Variants in PCDH9 observed in about 807,000 individuals in gnomAD.
The protein encoded by PCDH9 is protocadherin-9.
In PCDH9, 24 loss-of-function variants were observed where a neutral mutation model predicts 70.6. That is an observed-to-expected ratio of 0.34 (90% CI 0.25 to 0.48). The LOEUF is 0.48. PCDH9 is among the 20% of genes least tolerant of loss of function. The pLI, the probability that PCDH9 is intolerant of heterozygous loss-of-function variation, is 0.99. For missense variants in PCDH9, 1,281 were observed against 1,503.6 expected, an observed-to-expected ratio of 0.85 and a Z score of 2.45; for synonymous variants, 562 against 558.5, an observed-to-expected ratio of 1.01 and a Z score of -0.09.
intron 2 of PCDH9, among the ~76,000 whole-genome samples, chr13:66,969,395 T>C (rs2083481605): frequency 6.6e-6 from 1 of 151,996 alleles, no homozygotes. Flanking sequence ...TTATTGCCCA[T>C]TGTTATATTC....
At chr13:67,067,916 G>T (rs1566402253) in intron 2 of PCDH9, among the ~76,000 whole-genome samples, 1 of 151,940 alleles carries the variant, frequency 6.6e-6, no homozygotes, top group Non-Finnish European at 1.5e-5. Context: ...GGCAAACTTA[G>T]GTCACTCAAA....
chr13:66,671,397 CAGA>C (rs2078173964), intron 3 of PCDH9, among the ~76,000 whole-genome samples: 1 of 152,120 alleles, frequency 6.6e-6, no homozygotes, highest in Non-Finnish European at 1.5e-5. Flanking sequence ...TTGGAAAGAT[CAGA>C]AGAAGACAGG....
At chr13:66,577,965 C>T (rs1260511704) in intron 4 of PCDH9, among the ~76,000 whole-genome samples, 1 of 151,860 alleles carries the variant, frequency 6.6e-6, no homozygotes, top group African/African-American at 2.4e-5. Flanking sequence ...ATTTCTGGTC[C>T]CTTAATCACA....
intron 4 of PCDH9, among the ~76,000 whole-genome samples, chr13:66,490,766 T>C (rs563854720): frequency 6.6e-6 from 1 of 152,154 alleles, no homozygotes; most frequent in Non-Finnish European, 1.5e-5. Flanking sequence ...AAATTCCTGA[T>C]GCAAAAAACT....
At chr13:66,698,746 G>A (rs568140162) in intron 3 of PCDH9, among the ~76,000 whole-genome samples, 2 of 151,828 alleles carry the variant, frequency 1.3e-5, no homozygotes, top group South Asian at 2.1e-4. Flanking sequence ...CCTGGTTCAT[G>A]TTTACATTAA....
At chr13:67,059,370 GTATA>G (rs71110625) in intron 2 of PCDH9, among the ~76,000 whole-genome samples, 1 of 140,898 alleles carries the variant, frequency 7.1e-6, no homozygotes, top group Non-Finnish European at 1.5e-5. Flanking sequence ...TATATAGTGT[GTATA>G]TATATATATA....
At chr13:66,440,491 A>G (rs1337468085) in intron 4 of PCDH9, among the ~76,000 whole-genome samples, 1 of 152,150 alleles carries the variant, frequency 6.6e-6, no homozygotes, top group Admixed American at 6.5e-5. Context: ...TACTCTACTA[A>G]TAACAAAATG....
intron 3 of PCDH9, among the ~76,000 whole-genome samples, chr13:66,878,559 T>A (rs1324103787): frequency 2.0e-5 from 3 of 152,186 alleles, no homozygotes; most frequent in East Asian, 1.9e-4. Flanking sequence ...AAAAATCTTG[T>A]ATTTGGGCCT....
At chr13:66,363,588 C>T (rs761797231) in intron 4 of PCDH9, among the ~76,000 whole-genome samples, 3 of 152,144 alleles carry the variant, frequency 2.0e-5, no homozygotes, top group Non-Finnish European at 4.4e-5. Flanking sequence ...CAGACTATTA[C>T]AAGTCCATCA....
chr13:66,956,375 AAT>A (rs1391683069), intron 2 of PCDH9, among the ~76,000 whole-genome samples: 1 of 152,184 alleles, frequency 6.6e-6, no homozygotes, highest in African/African-American at 2.4e-5. Context: ...CCCCGACAAT[AAT>A]GAGGCTTAAA....
chr13:66,330,766 G>A (rs1000350448), intron 4 of PCDH9, among the ~76,000 whole-genome samples: 1 of 152,102 alleles, frequency 6.6e-6, no homozygotes, highest in African/African-American at 2.4e-5. Context: ...ATACAATTCT[G>A]CATAAAACAA....
chr13:67,228,129 A>G lies in PCDH9; in HGVS notation c.312T>C (p.Ala104=), dbSNP rs769781204. 5.0e-6 allele frequency: 8 copies of G among 1,614,156 alleles called. No homozygotes were observed. The South Asian group carries it at 7.7e-5, about 16-fold the overall frequency. Residue 104 remains alanine, a synonymous_variant, in exon 2 of 5, where the codon GCT becomes GCC. Transcript: ENST00000377865. ...GTTCAAAGAAACACTCATTCTCCTCAGCATATGAGGCGCCAGCACAGAGTT... is the reference window on the plus strand; with the variant it reads ...GTTCAAAGAAACACTCATTCTCCTCGGCATATGAGGCGCCAGCACAGAGTT... ...REKLCAGASY[A]EENECFFELE...
intron 3 of PCDH9, among the ~76,000 whole-genome samples, chr13:66,810,785 T>C (rs2080490243): frequency 6.6e-6 from 1 of 151,866 alleles, no homozygotes; most frequent in African/African-American, 2.4e-5. Flanking sequence ...TGGTGAAATA[T>C]TTCAAGCTTA....
chr13:66,577,646 C>T (rs2076833797), intron 4 of PCDH9, among the ~76,000 whole-genome samples: 1 of 151,916 alleles, frequency 6.6e-6, no homozygotes, highest in South Asian at 2.1e-4. Flanking sequence ...CCCCCTAACA[C>T]ACACAAATTG....
intron 4 of PCDH9, among the ~76,000 whole-genome samples, chr13:66,312,854 T>G (rs1955587093): frequency 6.6e-6 from 1 of 152,194 alleles, no homozygotes; most frequent in Non-Finnish European, 1.5e-5. Flanking sequence ...GTTTTACACA[T>G]TTCTCATACA....
rs113165030 is a variant in PCDH9 at position 66,437,205 on chromosome 13, A to G, written c.3341-132177T>C. 8.6e-3 allele frequency among the ~76,000 whole-genome samples: 1,306 copies of G among 151,846 alleles called. 15 individuals carry two copies. The highest frequency in any genetic ancestry group is 0.03 in the African/African-American group (1,242 of 41,352). On this transcript the variant is annotated intron_variant, in intron 4 of 4. Transcript: ENST00000377865. ...GGCAGATCACAAGGTCAGGAGATCG[A>G]AACCATCCTGGCTAACACGGTGAAA...
intron 4 of PCDH9, among the ~76,000 whole-genome samples, chr13:66,442,190 C>A (rs1322353730): frequency 6.6e-6 from 1 of 152,102 alleles, no homozygotes; most frequent in African/African-American, 2.4e-5. Flanking sequence ...GACTTTCAAT[C>A]TCTGGTGAAC....
chr13:66,424,685 T>G (rs1340038642), intron 4 of PCDH9, among the ~76,000 whole-genome samples: 2 of 151,968 alleles, frequency 1.3e-5, no homozygotes, highest in Non-Finnish European at 2.9e-5. Context: ...CAAAGATTTA[T>G]ATTACCAGAA....
intron 2 of PCDH9, among the ~76,000 whole-genome samples, chr13:67,001,675 T>G (rs73507326): frequency 0.021 from 3,151 of 152,212 alleles, 102 homozygotes; most frequent in African/African-American, 0.073. Flanking sequence ...GTACGCTTAG[T>G]GGGGCAGAGG....
Sources: allele counts gnomAD v4.1 joint callset (sites outside exome capture counted in the v4.1 genomes callset), GRCh38; gene constraint gnomAD v4.1.1; transcripts MANE v1.5; gene names NCBI Gene and HGNC (gene_info 2026-07-23, HGNC 2026-07-21).